Variants in ARSJ observed in about 807,000 individuals in gnomAD.
The protein encoded by ARSJ is arylsulfatase J.
In ARSJ, 26 loss-of-function variants were observed where a neutral mutation model predicts 35.9. The observed-to-expected ratio is 0.72, with a 90% CI of 0.53 to 1.00. The LOEUF is 1.00. Ranked by LOEUF, ARSJ falls within the 50% of genes least tolerant of loss-of-function variation. The pLI, the probability that ARSJ is intolerant of heterozygous loss-of-function variation, is 0.00. For missense variants in ARSJ, 667 were observed against 723.6 expected (o/e 0.92, Z 0.90); for synonymous variants, 294 against 267.6 (o/e 1.10, Z -0.96).
In ARSJ at chr4:113,978,867, G is replaced by A. The variant is rs1169858893; in HGVS notation, c.-33C>T. ...GGTCCCAGGTGAGACTCCACGCGGA[G>A]AACCACGCGCCCCGCGCCGCTGCGG... On this transcript the variant is annotated 5_prime_UTR_variant, in exon 1 of 2. Transcript: ENST00000315366. 5 of 1,555,484 alleles carry A rather than the reference G, an allele frequency of 3.2e-6. No homozygotes were observed. In the African/African-American group the frequency reaches 6.9e-5, roughly 21 times the overall value.
intron 1 of ARSJ, 145 bp downstream of exon 1, chr4:113,978,292 C>T: frequency 6.5e-6 from 5 of 768,504 alleles, no homozygotes; most frequent in East Asian, 2.6e-5. Flanking sequence ...TAACACGGTA[C>T]CCCAATACCA....
At chr4:113,939,098 T>C (rs1331893000) in intron 1 of ARSJ, among the ~76,000 whole-genome samples, 5 of 135,350 alleles carry the variant, frequency 3.7e-5, no homozygotes, top group Non-Finnish European at 7.8e-5. Context: ...AGTGTGATGT[T>C]CCCCTGCCTG....
chr4:113,926,232 G>A (rs1421790323), intron 1 of ARSJ, among the ~76,000 whole-genome samples: 1 of 151,582 alleles, frequency 6.6e-6, no homozygotes, highest in Non-Finnish European at 1.5e-5. Context: ...TTTTCTAATC[G>A]TGCTTCTTCG....
intron 1 of ARSJ, among the ~76,000 whole-genome samples, chr4:113,955,152 A>G (rs2149277296): frequency 6.6e-6 from 1 of 152,062 alleles, no homozygotes; most frequent in South Asian, 2.1e-4. Context: ...GGTAGAACAA[A>G]AATTGAAAAC....
chr4:113,928,304 T>C lies in ARSJ; in HGVS notation c.399-24629A>G, dbSNP rs567243031. On this transcript the variant is annotated intron_variant, in intron 1 of 1. Transcript: ENST00000315366. ...TGGGAGAAAGATTCATTGCATAAAA[T>C]GTCGGTAATATAGTGGGGTCCTTCC... Among the ~76,000 whole-genome samples the C allele has an allele frequency of 5.1e-4, 77 of 152,224 alleles. 1 individual carries two copies. The South Asian group carries it at 0.016, about 32-fold the overall frequency.
chr4:113,965,263 G>A (rs947351312), intron 1 of ARSJ, among the ~76,000 whole-genome samples: 1 of 152,092 alleles, frequency 6.6e-6, no homozygotes, highest in Non-Finnish European at 1.5e-5. Context: ...TTTTGAATAT[G>A]AGTTTCTGGT....
rs112741199 is a variant in ARSJ at position 113,967,120 on chromosome 4, T to C, written c.398+11317A>G. Among the ~76,000 whole-genome samples, 1,143 of 152,292 alleles carry C rather than the reference T, an allele frequency of 7.5e-3. 11 individuals are homozygous for C. The highest frequency in any genetic ancestry group is 0.026 in the African/African-American group (1,070 of 41,566). The stretch of plus-strand genomic sequence containing the variant: ...CAGTCAGTGGAGAGAGAATTCATTG[T>C]TATAAAATGAAGATTTTGAGAAAGA... On this transcript the variant is annotated intron_variant, in intron 1 of 1. Coordinates refer to ENST00000315366, the MANE Select transcript of ARSJ (RefSeq NM_024590.4).
intron 1 of ARSJ, among the ~76,000 whole-genome samples, chr4:113,949,381 T>C (rs545234050): frequency 6.6e-6 from 1 of 152,048 alleles, no homozygotes; most frequent in African/African-American, 2.4e-5. Context: ...TGCTACATCT[T>C]CCCTAGCACT....
chr4:113,978,503 A>AC lies in ARSJ; in HGVS notation c.331dup (p.Val111GlyfsTer2). ...CTGGACATAGTAGTTCTCCAGTTTA[A>AC]CTCCTTCGGCAGCGAGCTTGTCAAG... On this transcript the variant is annotated frameshift_variant, in exon 1 of 2. Coordinates refer to ENST00000315366, the MANE Select transcript of ARSJ (RefSeq NM_024590.4). LOFTEE classifies it high-confidence loss of function. 1 of 1,614,094 alleles carries AC rather than the reference A, an allele frequency of 6.2e-7. No homozygotes were observed. Among genetic ancestry groups the AC allele is most frequent in the Non-Finnish European group, 8.5e-7 (1 of 1,179,964 alleles).
intron 1 of ARSJ, among the ~76,000 whole-genome samples, chr4:113,970,161 A>C (rs1286023989): frequency 1.3e-5 from 2 of 152,168 alleles, no homozygotes. Flanking sequence ...GAAGAGAGGA[A>C]ATTGAGATGT....
At chr4:113,908,406 A>G (rs1179470158) in intron 1 of ARSJ, among the ~76,000 whole-genome samples, 1 of 152,248 alleles carries the variant, frequency 6.6e-6, no homozygotes, top group Non-Finnish European at 1.5e-5. Flanking sequence ...GATTGTCTCA[A>G]AATTTAAAAC....
intron 1 of ARSJ, among the ~76,000 whole-genome samples, chr4:113,928,909 TC>T (rs1341996696): frequency 6.6e-5 from 10 of 152,146 alleles, no homozygotes; most frequent in Non-Finnish European, 8.8e-5. Flanking sequence ...AGCCTTTGGA[TC>T]CCTTCCTGTA....
At chr4:113,922,149 C>G (rs1723723429) in intron 1 of ARSJ, among the ~76,000 whole-genome samples, 1 of 152,130 alleles carries the variant, frequency 6.6e-6, no homozygotes, top group African/African-American at 2.4e-5. Flanking sequence ...CTCTAATTCT[C>G]TTCCCAAGGG....
At chr4:113,957,707 T>C (rs1329746813) in intron 1 of ARSJ, among the ~76,000 whole-genome samples, 10 of 152,252 alleles carry the variant, frequency 6.6e-5, no homozygotes, top group African/African-American at 2.4e-4. Flanking sequence ...TTTGTGCTTC[T>C]TTAAAAAAAG....
At chr4:113,917,021 T>G (rs1723351717) in intron 1 of ARSJ, among the ~76,000 whole-genome samples, 1 of 152,164 alleles carries the variant, frequency 6.6e-6, no homozygotes, top group South Asian at 2.1e-4. Context: ...TCCATCCAAT[T>G]GTTTTCTTAT....
intron 1 of ARSJ, among the ~76,000 whole-genome samples, chr4:113,934,971 T>C (rs1410613950): frequency 6.6e-6 from 1 of 151,860 alleles, no homozygotes; most frequent in Non-Finnish European, 1.5e-5. Flanking sequence ...TTAATCTATT[T>C]TCTTAATTTG....
At position 113,902,469 on chromosome 4, in the gene ARSJ, A is replaced by T. The variant is rs1430024784; in HGVS notation, c.1605T>A (p.Tyr535Ter). Residue 535 changes from tyrosine (Y) to a stop codon, truncating the protein, a stop_gained, in exon 2 of 2, where the codon TAT becomes TAA. Transcript: ENST00000315366. LOFTEE classifies it low-confidence loss of function (END_TRUNC). ...QFNKTAVPVR[Y>*]PPKDPRSNPR... ...GGTTACTTCTGGGGTCTTTGGGGGG[A>T]TACCTGACCGGCACTGCAGTTTTGT... The T allele has an allele frequency of 6.2e-7, 1 of 1,613,444 alleles. No homozygotes were observed. The highest frequency in any genetic ancestry group is 8.5e-7 in the Non-Finnish European group (1 of 1,179,904).
At position 113,936,451 on chromosome 4, in the gene ARSJ, G is replaced by C. The variant is rs188742645; in HGVS notation, c.399-32776C>G. 5.1e-4 allele frequency among the ~76,000 whole-genome samples: 77 copies of C among 151,796 alleles called. 1 individual carries two copies. The highest frequency in any genetic ancestry group is 1.5e-3 in the African/African-American group (64 of 41,462). On this transcript the variant is annotated intron_variant, in intron 1 of 1. Coordinates refer to ENST00000315366, the MANE Select transcript of ARSJ (RefSeq NM_024590.4). ...GACAATATAATCTTCTCCACTATAA[G>C]CCATCAAGACAGAAAAATAGTTTTT...
rs2099667253 is a variant in ARSJ at position 113,902,060 on chromosome 4, T to G, written c.*214A>C. ...AAGAGAAATAAACATCTCCACTCTCTCTAAGTGTGGCTTGCAAGAGTAGCA... is the reference window on the plus strand; with the variant it reads ...AAGAGAAATAAACATCTCCACTCTCGCTAAGTGTGGCTTGCAAGAGTAGCA... On this transcript the variant is annotated 3_prime_UTR_variant, in exon 2 of 2. Coordinates refer to ENST00000315366, the MANE Select transcript of ARSJ (RefSeq NM_024590.4). The G allele has an allele frequency of 6.9e-7, 1 of 1,450,570 alleles. No individual in the cohort carries two copies. Among genetic ancestry groups the G allele is most frequent in the African/African-American group, 1.4e-5 (1 of 71,296 alleles). The allele number at this position is 1,450,570 out of a possible 1,614,324, so 89.9% of individuals were successfully genotyped here. A position where few individuals can be genotyped will look rare whatever the true frequency, so the allele number is the denominator to read the frequency against.
Sources: allele counts gnomAD v4.1 joint callset (sites outside exome capture counted in the v4.1 genomes callset), GRCh38; gene constraint gnomAD v4.1.1; transcripts MANE v1.5; gene names NCBI Gene and HGNC (gene_info 2026-07-23, HGNC 2026-07-21).